Variants in FMNL3 observed in about 807,000 individuals in gnomAD.
FMNL3 encodes formin like 3, also known as formin-like protein 3.
A neutral mutation model predicts 119.6 loss-of-function variants in FMNL3; 57 were observed. The observed-to-expected ratio is 0.48, with a 90% CI of 0.39 to 0.59. The LOEUF (loss-of-function observed/expected upper bound fraction) is 0.59. Among genes scored for constraint, FMNL3 ranks in the 20% least tolerant of loss-of-function variants. FMNL3 has a pLI of 0.00. For missense variants in FMNL3, 1,053 were observed against 1,323.5 expected (o/e 0.80, Z 3.17); for synonymous variants, 491 against 507.3 (o/e 0.97, Z 0.43).
In FMNL3 at chr12:49,647,328, T is replaced by A. The variant is rs754905115; in HGVS notation, c.2819A>T (p.Glu940Val). The A allele has an allele frequency of 1.9e-6, 3 of 1,613,622 alleles. No homozygotes were observed. Among genetic ancestry groups the A allele is most frequent in the Non-Finnish European group, 2.5e-6 (3 of 1,179,994 alleles). ...QENEARKKQEEVMREKQLAQE... is the reference protein window; with the variant it reads ...QENEARKKQEVVMREKQLAQE... ...AGCCAGCTGCTTCTCCCGCATTACCTCCTCCTGCTTCTTGCGGGCTTCATT... is the reference window on the plus strand; with the variant it reads ...AGCCAGCTGCTTCTCCCGCATTACCACCTCCTGCTTCTTGCGGGCTTCATT... Residue 940 changes from glutamate (E) to valine (V), a missense_variant, in exon 24 of 26, where the codon GAG becomes GTG. By Grantham distance (121) the Glu-to-Val change is moderately radical. This residue lies in a region of FMNL3 where 324 missense variants were observed against 380.9 expected (regional missense o/e 0.85). Transcript: ENST00000335154. This position sits in a 1 kb window ranked among gnomAD's most constrained non-coding sequence, Gnocchi z 4.9.
At chr12:49,664,057 GACCA>G (rs986469746) in intron 4 of FMNL3, among the ~76,000 whole-genome samples, 8 of 152,124 alleles carry the variant, frequency 5.3e-5, no homozygotes, top group African/African-American at 1.7e-4. Flanking sequence ...GAGACCGCCT[GACCA>G]ACATGGTGAA....
In FMNL3 at chr12:49,683,727, A is replaced by G. The variant is rs531325001; in HGVS notation, c.127-15173T>C. Among the ~76,000 whole-genome samples the G allele has an allele frequency of 2.6e-5, 4 of 152,156 alleles. No individual in the cohort carries two copies. The South Asian group carries it at 8.3e-4, about 32-fold the overall frequency. On this transcript the variant is annotated intron_variant, in intron 1 of 25. Transcript: ENST00000335154. ...CCACAACTCACAATCTGACTATGAA[A>G]CACATAAAGCACAGTCTCTTCCACA...
chr12:49,649,749 C>CG lies in FMNL3; in HGVS notation c.2176dup (p.Arg726ProfsTer14). 1 of 1,614,204 alleles carries CG rather than the reference C, an allele frequency of 6.2e-7. No homozygotes were observed. The highest frequency in any genetic ancestry group is 1.7e-5 in the Admixed American group (1 of 60,030). ...CCCCAGGAAGGCCATGCCAGCCATT[C>CG]GCTGGGTCAACCGTTCCACCTTGCT... is the stretch of plus-strand genomic sequence containing the variant. On this transcript the variant is annotated frameshift_variant, in exon 18 of 26. Coordinates refer to ENST00000335154, the MANE Select transcript of FMNL3 (RefSeq NM_175736.5). LOFTEE classifies it high-confidence loss of function. This position sits in a 1 kb window ranked among gnomAD's most constrained non-coding sequence, Gnocchi z 5.6.
At chr12:49,669,249 T>C (rs545953715) in intron 1 of FMNL3, among the ~76,000 whole-genome samples, 1 of 152,324 alleles carries the variant, frequency 6.6e-6, no homozygotes, top group South Asian at 2.1e-4. Context: ...AAATTTCTTA[T>C]GAAACACCTC....
chr12:49,643,135 G>A lies in FMNL3; in HGVS notation c.*2680C>T. 6.3e-7 allele frequency: 1 copy of A among 1,587,950 alleles called. No homozygotes were observed. The highest frequency in any genetic ancestry group is 2.2e-5 in the East Asian group (1 of 44,706). On this transcript the variant is annotated 3_prime_UTR_variant, in exon 26 of 26. Coordinates refer to ENST00000335154, the MANE Select transcript of FMNL3 (RefSeq NM_175736.5). ...GAAGTTTGAGGATTCCTTTGGCCCT[G>A]GGTCCTCCTCCTCTCTCGAATTCCC...
At chr12:49,683,784 C>A (rs1944392696) in intron 1 of FMNL3, among the ~76,000 whole-genome samples, 1 of 152,192 alleles carries the variant, frequency 6.6e-6, no homozygotes, top group Non-Finnish European at 1.5e-5. Flanking sequence ...CCACTTGAGC[C>A]CTGCCTCCCA....
rs1458913098 is a variant in FMNL3, at chr12:49,639,926, T to C, written c.*5889A>G. 1.3e-5 allele frequency: 2 copies of C among 152,250 alleles called. No homozygotes were observed. Among genetic ancestry groups the C allele is most frequent in the East Asian group, 1.9e-4 (1 of 5,198 alleles). The allele number at this position is 152,250 out of a possible 1,614,324, so 9.4% of individuals were successfully genotyped here. A position where few individuals can be genotyped will look rare whatever the true frequency, so the allele number is the denominator to read the frequency against. Reference sequence around the variant, plus strand: ...CGTATAAAGTAGAAATGCCTTATCCTGGGATAGCTAAATTTTATTGGACAA... The same window carrying C: ...CGTATAAAGTAGAAATGCCTTATCCCGGGATAGCTAAATTTTATTGGACAA... On this transcript the variant is annotated 3_prime_UTR_variant, in exon 26 of 26. Transcript: ENST00000335154.
chr12:49,671,725 C>T (rs995692021), intron 1 of FMNL3, among the ~76,000 whole-genome samples: 13 of 152,328 alleles, frequency 8.5e-5, no homozygotes, highest in Admixed American at 8.5e-4. Context: ...GACACAGTTC[C>T]GGTCTCAGTC....
Position 49,642,711 on chromosome 12 carries a change from C to T in FMNL3, c.*3104G>A, listed in dbSNP as rs767403831. On this transcript the variant is annotated 3_prime_UTR_variant, in exon 26 of 26. Coordinates refer to ENST00000335154, the MANE Select transcript of FMNL3 (RefSeq NM_175736.5). The surrounding 1 kb of genome is among the most constrained non-coding windows in gnomAD (Gnocchi z 5.8). ...CTTGTCCTCTGGATCTGCCTCAGGC[C>T]CTTGAACTCATTAGACCAGTTCAAC... 1.8e-5 allele frequency: 29 copies of T among 1,596,832 alleles called. No individual in the cohort carries two copies. Among genetic ancestry groups the T allele is most frequent in the Admixed American group, 3.4e-5 (2 of 58,024 alleles).
At position 49,707,160 on chromosome 12, in the gene FMNL3, G is replaced by C. The variant is rs970476167; in HGVS notation, c.21C>G (p.Ala7=). 6.3e-7 allele frequency: 1 copy of C among 1,581,240 alleles called. No individual in the cohort carries two copies. Residue 7 remains alanine (A), a synonymous_variant, in exon 1 of 26, where the codon GCC becomes GCG. Transcript: ENST00000335154. ...AGGGGGGCTCTCCCGGGACCCCCTCGGCGCTCTCCAGGTTGCCCATCGCGG... is the reference window on the plus strand; with the variant it reads ...AGGGGGGCTCTCCCGGGACCCCCTCCGCGCTCTCCAGGTTGCCCATCGCGG... MGNLES[A]EGVPGEPPSV...
chr12:49,656,863 C>T lies in FMNL3; in HGVS notation c.751G>A (p.Val251Ile). 4 of 1,614,078 alleles carry T rather than the reference C, an allele frequency of 2.5e-6. No individual in the cohort carries two copies. Among genetic ancestry groups the T allele is most frequent in the East Asian group, 4.5e-5 (2 of 44,886 alleles). Residue 251 changes from valine to isoleucine, a missense_variant, in exon 8 of 26, where the codon GTC (valine) becomes ATC (isoleucine). Around this residue, in one of 4 missense-constraint regions of FMNL3, gnomAD observed 445 missense variants for 628.4 expected, o/e 0.71. Transcript: ENST00000335154. ...TTGAGGCTAAGTGCAATCTCATTGACAGCATGGGGGTGGGACATGACCAGG... is the reference window on the plus strand; with the variant it reads ...TTGAGGCTAAGTGCAATCTCATTGATAGCATGGGGGTGGGACATGACCAGG... Reference protein sequence around the residue: ...FNLVMSHPHAVNEIALSLNNK... With the variant: ...FNLVMSHPHAINEIALSLNNK...
At position 49,647,723 on chromosome 12, in the gene FMNL3, G is replaced by A. The variant is rs541165879; in HGVS notation, c.2758C>T (p.Arg920Ter). The change falls in exon 23 of 26, where the codon CGA (arginine) becomes TGA (stop). Residue 920 changes from arginine (R) to a stop codon, truncating the protein, a stop_gained. Transcript: ENST00000335154. LOFTEE classifies it high-confidence loss of function. This position sits in a 1 kb window ranked among gnomAD's most constrained non-coding sequence, Gnocchi z 4.9. ...CTTACCTTGTAAGAACGAATGAATC[G>A]GACAAATACTGGGAAGAATACAGAA... is the stretch of plus-strand genomic sequence containing the variant. ...PPSVFFPVFV[R>*]FIRSYKEAEQ... 2.5e-6 allele frequency: 4 copies of A among 1,614,042 alleles called. No individual in the cohort carries two copies. The highest frequency in any genetic ancestry group is 2.2e-5 in the East Asian group (1 of 44,888).
At position 49,651,085 on chromosome 12, in the gene FMNL3, CT is replaced by C. The variant is rs1360328344; in HGVS notation, c.1797+82del. Reference sequence around the variant, plus strand: ...AGCCTGGCCTCACCCTGTCTGATGGCTTTTCTAAGACCAGAATCTCCTCAAA... The same window carrying C: ...AGCCTGGCCTCACCCTGTCTGATGGCTTTCTAAGACCAGAATCTCCTCAAA... On this transcript the variant is annotated intron_variant, in intron 16 of 25. Transcript: ENST00000335154. 7 of 1,576,840 alleles carry C rather than the reference CT, an allele frequency of 4.4e-6. No individual in the cohort carries two copies. The East Asian group carries it at 1.6e-4, about 36-fold the overall frequency.
intron 1 of FMNL3, among the ~76,000 whole-genome samples, chr12:49,670,670 C>T (rs1944021291): frequency 6.6e-6 from 1 of 152,222 alleles, no homozygotes; most frequent in Non-Finnish European, 1.5e-5. Flanking sequence ...ATGCATCTGC[C>T]TGAACTTCCA....
rs1272019553 is a variant in FMNL3 at position 49,705,292 on chromosome 12, T to C, written c.126+1763A>G. ...GGGTGGTCCAGTCCCCCATTTGACC[T>C]GGGTTCTCCTGGTGCTCTGGTGTCC... On this transcript the variant is annotated intron_variant, in intron 1 of 25. Transcript: ENST00000335154. Among the ~76,000 whole-genome samples, 3 of 152,210 alleles carry C rather than the reference T, an allele frequency of 2.0e-5. No homozygotes were observed. The East Asian group carries it at 5.8e-4, about 29-fold the overall frequency.
chr12:49,640,928 G>A lies in FMNL3; in HGVS notation c.*4887C>T, dbSNP rs1942551891. Reference sequence around the variant, plus strand: ...TCAATTCCCTGAGAATGAATGCTGTGTTGATAAGGACTGTAGCAGGGTTGA... The same window carrying A: ...TCAATTCCCTGAGAATGAATGCTGTATTGATAAGGACTGTAGCAGGGTTGA... On this transcript the variant is annotated 3_prime_UTR_variant, in exon 26 of 26. Coordinates refer to ENST00000335154, the MANE Select transcript of FMNL3 (RefSeq NM_175736.5). 1 of 152,192 alleles carries A rather than the reference G, an allele frequency of 6.6e-6. No individual in the cohort carries two copies. The highest frequency in any genetic ancestry group is 2.4e-5 in the African/African-American group (1 of 41,424). 9.4% of individuals were successfully genotyped at this position (152,192 alleles called of 1,614,324 possible).
intron 2 of FMNL3, among the ~76,000 whole-genome samples, chr12:49,667,045 G>A (rs1224422768): frequency 6.6e-6 from 1 of 152,086 alleles, no homozygotes; most frequent in East Asian, 1.9e-4. Context: ...GCTGCATTCA[G>A]CAAGGTCATC....
intron 5 of FMNL3, 168 bp downstream of exon 5, chr12:49,661,798 C>T (rs1374901167): frequency 1.6e-6 from 1 of 644,212 alleles, no homozygotes; most frequent in East Asian, 2.7e-5. Flanking sequence ...CCCCAGACAT[C>T]TCCGGGCTTG....
In FMNL3 at chr12:49,645,838, G is replaced by A. The variant is rs577480410; in HGVS notation, c.3061C>T (p.Pro1021Ser). ...ARSAAPPSGP[P>S]RAPGPH is the part of the protein sequence containing the mutation. The stretch of plus-strand genomic sequence containing the variant: ...TCTCAGTGGGGGCCTGGAGCCCGAG[G>A]GGGACCACTGGGCGGTGCAGCACTC... The change falls in exon 26 of 26, where the codon CCT (proline) becomes TCT (serine). Residue 1021 changes from proline (P) to serine (S), a missense_variant. Pro to Ser is a moderately conservative substitution (Grantham distance 74). Transcript: ENST00000335154. The A allele has an allele frequency of 2.2e-5, 35 of 1,603,152 alleles. No homozygotes were observed. In the Admixed American group the frequency reaches 2.5e-4, roughly 11 times the overall value.
Sources: gnomAD v4.1 joint callset for allele counts (sites outside exome capture counted in the v4.1 genomes callset) on GRCh38, gnomAD v4.1.1 for gene constraint, gnomAD v4.1.1 regional missense constraint, Gnocchi (gnomAD v3.1) non-coding constraint, MANE v1.5 for transcripts, NCBI Gene and HGNC (gene_info 2026-07-23, HGNC 2026-07-21) for gene names.